MYL6B: variants seen among roughly 807,000 people sequenced by gnomAD.
MYL6B encodes the protein myosin alkali light chain 1 slow a.
A neutral mutation model predicts 24.5 loss-of-function variants in MYL6B; 19 were observed. That is an observed-to-expected ratio of 0.78 (90% confidence interval 0.54 to 1.14). MYL6B has a LOEUF of 1.14. MYL6B is among the 50% of genes most tolerant of loss of function. The pLI, the probability that MYL6B is intolerant of heterozygous loss-of-function variation, is 0.00. For missense variants in MYL6B, 230 were observed against 263.8 expected (o/e 0.87, Z 0.89); for synonymous variants, 90 against 100.7 (o/e 0.89, Z 0.64).
At chr12:56,153,389 TC>T in intron 1 of MYL6B, 1 of 984,064 alleles carries the variant, frequency 1.0e-6, no homozygotes, top group Non-Finnish European at 1.2e-6. Flanking sequence ...CTACCCCTGC[TC>T]TTTACAAAGC....
At chr12:56,153,361 A>G in intron 1 of MYL6B, 2 of 915,300 alleles carry the variant, frequency 2.2e-6, no homozygotes, top group South Asian at 1.0e-4. Context: ...ATTAGGGATC[A>G]TTAGACTCTA....
rs1484484337 is a variant in MYL6B at position 56,157,375 on chromosome 12, G to GC, written c.521-92dup. On this transcript the variant is annotated intron_variant, in intron 5 of 6. Transcript: ENST00000553066. ...CTGCACTCCAGCCTGAGCGACAGGA[G>GC]CGAAACTCCGTCTCAAAAAAAAAAA... is the stretch of plus-strand genomic sequence containing the variant. 6 of 1,244,970 alleles carry GC rather than the reference G, an allele frequency of 4.8e-6. No individual in the cohort carries two copies. The East Asian group carries it at 1.5e-4, about 31-fold the overall frequency. 77.1% of individuals were successfully genotyped at this position (1,244,970 alleles called of 1,614,324 possible). A position where few individuals can be genotyped will look rare whatever the true frequency, so the allele number is the denominator to read the frequency against.
At chr12:56,155,253 G>C in intron 4 of MYL6B, 55 bp downstream of exon 4, 15 of 1,559,118 alleles carry the variant, frequency 9.6e-6, no homozygotes, top group South Asian at 1.2e-5. Flanking sequence ...GTTGGATGTT[G>C]GTAACAAAAA....
exon 2 of MYL6B, chr12:56,154,048 C>T: frequency 6.2e-7 from 1 of 1,614,014 alleles, no homozygotes. Flanking sequence ...CCCCCAGGCC[C>T]CTCAGAAAAC....
Position 56,157,284 on chromosome 12 carries a change from T to C in MYL6B, c.521-184T>C, listed in dbSNP as rs1396606954. Reference sequence around the variant, plus strand: ...CTGTAATCCCAGCTACTCGGGAGGGTGAGGCAGGAGAATCGCGTGAACACG... The same window carrying C: ...CTGTAATCCCAGCTACTCGGGAGGGCGAGGCAGGAGAATCGCGTGAACACG... On this transcript the variant is annotated intron_variant, in intron 5 of 6. Transcript: ENST00000553066. 1.1e-5 allele frequency: 6 copies of C among 569,162 alleles called. No homozygotes were observed. In the Middle Eastern group the frequency reaches 2.0e-3, roughly 186 times the overall value. 35.3% of individuals were successfully genotyped at this position (569,162 alleles called of 1,614,324 possible). A position where few individuals can be genotyped will look rare whatever the true frequency, so the allele number is the denominator to read the frequency against.
chr12:56,155,736 T>C, intron 5 of MYL6B, 144 bp downstream of exon 5: 1 of 1,540,672 alleles, frequency 6.5e-7, no homozygotes, highest in Non-Finnish European at 8.7e-7. Flanking sequence ...GTCAGAGCTA[T>C]GGGGGTAGAA....
At chr12:56,154,092 G>A in exon 2 of MYL6B, 1 of 1,610,718 alleles carries the variant, frequency 6.2e-7, no homozygotes, top group Admixed American at 1.7e-5. Context: ...CCAAAGTGGT[G>A]GTGAGTCTCT....
intron 5 of MYL6B, among the ~76,000 whole-genome samples, chr12:56,156,632 C>T (rs1037559127): frequency 6.6e-6 from 1 of 151,698 alleles, no homozygotes; most frequent in Non-Finnish European, 1.5e-5. Context: ...ATGGGCTGGC[C>T]GGGAGCAGTG....
Position 56,154,861 on chromosome 12 carries a change from G to T in MYL6B, c.202+21G>T, listed in dbSNP as rs567568370. 106 of 1,610,632 alleles carry T rather than the reference G, an allele frequency of 6.6e-5. No homozygotes were observed. In the South Asian group the frequency reaches 1.1e-3, roughly 17 times the overall value. ...GGAGGGTGAGGAGAAGCTCATCTAAGGCCACTGTCCCATCCCCAATCCCCT... is the reference window on the plus strand; with the variant it reads ...GGAGGGTGAGGAGAAGCTCATCTAATGCCACTGTCCCATCCCCAATCCCCT... On this transcript the variant is annotated intron_variant, in intron 3 of 6. Coordinates refer to ENST00000553066, the Ensembl canonical transcript of MYL6B.
intron 1 of MYL6B, chr12:56,153,340 G>A (rs560453418): frequency 1.3e-6 from 1 of 795,810 alleles, no homozygotes; most frequent in Non-Finnish European, 1.5e-6. Flanking sequence ...GGGGGCTCAG[G>A]AACTACAAGT....
exon 2 of MYL6B, chr12:56,153,934 G>A: frequency 6.2e-7 from 1 of 1,612,898 alleles, no homozygotes; most frequent in Non-Finnish European, 8.5e-7. Context: ...TCCCAAGAAG[G>A]ATGTTCCCGT....
intron 5 of MYL6B, 36 bp downstream of exon 5, chr12:56,155,628 G>A (rs1385152574): frequency 1.9e-6 from 3 of 1,611,922 alleles, no homozygotes; most frequent in Admixed American, 3.3e-5. Context: ...CTCCTTTAGA[G>A]TGGAGAGGGG....
chr12:56,157,216 G>C, intron 5 of MYL6B: 1 of 443,260 alleles, frequency 2.3e-6, no homozygotes, highest in South Asian at 2.3e-5. Flanking sequence ...CCAACATGGC[G>C]AAACCTCGTC....
At chr12:56,153,460 C>T (rs1871184896) in intron 1 of MYL6B, 9 of 986,164 alleles carry the variant, frequency 9.1e-6, no homozygotes, top group African/African-American at 1.7e-5. Context: ...GTCATTGCTC[C>T]CAGACCACAC....
Position 56,154,045 on chromosome 12 carries a change from GC to G in MYL6B, c.131del (p.Pro44LeufsTer15). On this transcript the variant is annotated frameshift_variant, in exon 2 of 7. Coordinates refer to ENST00000553066, the Ensembl canonical transcript of MYL6B. LOFTEE classifies it high-confidence loss of function. ...CAAAGCTGAGCCAGCTGTCCCCCAG[GC>G]CCCTCAGAAAACCCAGGAGCCTCCA... 1 of 1,613,986 alleles carries G rather than the reference GC, an allele frequency of 6.2e-7. No homozygotes were observed. Among genetic ancestry groups the G allele is most frequent in the Non-Finnish European group, 8.5e-7 (1 of 1,179,920 alleles).
rs775634757 is a variant in MYL6B, at chr12:56,157,774, A to C, written c.*48A>C. 6 of 1,601,328 alleles carry C rather than the reference A, an allele frequency of 3.7e-6. No homozygotes were observed. The Admixed American group carries it at 8.4e-5, about 22-fold the overall frequency. Reference sequence around the variant, plus strand: ...ACCCCTTCGCCGCGCCTTACGAGGCAAGTCTCCCGCCCTTCTCTCAGCCAA... The same window carrying C: ...ACCCCTTCGCCGCGCCTTACGAGGCCAGTCTCCCGCCCTTCTCTCAGCCAA... On this transcript the variant is annotated 3_prime_UTR_variant, in exon 7 of 7. Transcript: ENST00000553066.
intron 1 of MYL6B, chr12:56,153,277 T>TA: frequency 3.6e-6 from 1 of 276,294 alleles, no homozygotes; most frequent in Non-Finnish European, 5.5e-6. Context: ...ATACTCCTGT[T>TA]TTTATGACTA....
At chr12:56,155,220 A>G in intron 4 of MYL6B, 22 bp downstream of exon 4, 1 of 1,575,820 alleles carries the variant, frequency 6.3e-7, no homozygotes, top group Non-Finnish European at 8.6e-7. Flanking sequence ...CTTGGGAACA[A>G]TTTGGGTTTT....
chr12:56,157,395 A>G, intron 5 of MYL6B, 73 bp from the exon 6 acceptor site: 1 of 1,466,290 alleles, frequency 6.8e-7, no homozygotes, highest in Non-Finnish European at 9.4e-7. Context: ...GTCTCAAAAA[A>G]AAAAAGGAAA....
Sources: gnomAD v4.1 joint callset for allele counts (sites outside exome capture counted in the v4.1 genomes callset) on GRCh38, gnomAD v4.1.1 for gene constraint, MANE v1.5 for transcripts, NCBI Gene and HGNC (gene_info 2026-07-23, HGNC 2026-07-21) for gene names.